Variants in NEK1 observed in about 807,000 individuals in gnomAD.
NEK1 encodes the protein NIMA related kinase 1.
A neutral mutation model predicts 182.1 loss-of-function variants in NEK1; 137 were observed. That is an observed-to-expected ratio of 0.75 (90% CI 0.65 to 0.87). The LOEUF is 0.87. Among genes scored for constraint, NEK1 ranks in the 40% least tolerant of loss-of-function variants. NEK1 has a pLI of 0.00. For synonymous variants in NEK1, 513 were observed against 492.2 expected (o/e 1.04, Z -0.56); for missense variants, 1,391 against 1,494.4 (o/e 0.93, Z 1.14).
chr4:169,593,628 T>C (rs1424912859), intron 5 of NEK1, among the ~76,000 whole-genome samples: 1 of 152,192 alleles, frequency 6.6e-6, no homozygotes, highest in East Asian at 1.9e-4. Flanking sequence ...CTACCCTAGT[T>C]CAGACTCTTG....
chr4:169,459,918 G>C (rs1170169205), intron 27 of NEK1, among the ~76,000 whole-genome samples: 1 of 152,080 alleles, frequency 6.6e-6, no homozygotes, highest in Non-Finnish European at 1.5e-5. Context: ...GGGATTCTTG[G>C]GGCAGCAAAT....
intron 4 of NEK1, among the ~76,000 whole-genome samples, chr4:169,600,958 TTGAAA>T (rs1172550370): frequency 6.6e-6 from 1 of 152,118 alleles, no homozygotes; most frequent in Non-Finnish European, 1.5e-5. Flanking sequence ...ACCTTTTAAC[TTGAAA>T]TATTAAAATT....
intron 12 of NEK1, among the ~76,000 whole-genome samples, chr4:169,566,388 T>A (rs1763680668): frequency 6.6e-6 from 1 of 152,170 alleles, no homozygotes; most frequent in East Asian, 1.9e-4. Flanking sequence ...ATTTCTATAG[T>A]GAAGAGAATA....
chr4:169,452,430 C>G (rs1461063701), intron 27 of NEK1, among the ~76,000 whole-genome samples: 1 of 152,192 alleles, frequency 6.6e-6, no homozygotes, highest in Non-Finnish European at 1.5e-5. Flanking sequence ...TACTGGCAAA[C>G]TGAATCCAGC....
intron 31 of NEK1, among the ~76,000 whole-genome samples, chr4:169,421,060 A>G (rs1439758806): frequency 2.0e-5 from 3 of 152,228 alleles, no homozygotes; most frequent in Non-Finnish European, 2.9e-5. Context: ...TGGAATGGCT[A>G]TAATAAAACC....
At chr4:169,494,577 T>C (rs1483207847) in intron 23 of NEK1, among the ~76,000 whole-genome samples, 1 of 152,232 alleles carries the variant, frequency 6.6e-6, no homozygotes, top group Non-Finnish European at 1.5e-5. Flanking sequence ...TGTGTCTTTA[T>C]AGCAGCATGT....
chr4:169,424,711 C>G lies in NEK1; in HGVS notation c.3064G>C (p.Glu1022Gln). The change falls in exon 31 of 36, where the codon GAA (glutamate) becomes CAA (glutamine). Residue 1022 changes from glutamate to glutamine, a missense_variant. Around this residue, in one of 5 missense-constraint regions of NEK1, gnomAD observed 1,216 missense variants for 1,277.6 expected, o/e 0.95. Coordinates refer to ENST00000507142, the MANE Select transcript of NEK1 (RefSeq NM_001199397.3). ...EPFFHKVVHS[E>Q]HLNLVPQVQS... ...ACTTGAGGGACTAAGTTCAAGTGTTCAGAATGAACCACCTTATGGAAAAAT... is the reference window on the plus strand; with the variant it reads ...ACTTGAGGGACTAAGTTCAAGTGTTGAGAATGAACCACCTTATGGAAAAAT... The G allele has an allele frequency of 6.2e-7, 1 of 1,613,766 alleles. No homozygotes were observed. Among genetic ancestry groups the G allele is most frequent in the Non-Finnish European group, 8.5e-7 (1 of 1,179,802 alleles).
intron 12 of NEK1, among the ~76,000 whole-genome samples, chr4:169,571,041 C>A (rs1003604755): frequency 2.6e-5 from 4 of 151,806 alleles, no homozygotes; most frequent in African/African-American, 9.7e-5. Flanking sequence ...ACAAACACTG[C>A]GGAAGGCTGC....
At chr4:169,577,180 GATAGT>G (rs1222497212) in intron 11 of NEK1, 101 bp from the exon 12 acceptor site, 1 of 1,122,364 alleles carries the variant, frequency 8.9e-7, no homozygotes, top group East Asian at 2.4e-5. Flanking sequence ...CATAATCATT[GATAGT>G]ATTTTAAACT....
At chr4:169,572,074 G>C (rs1364748281) in intron 12 of NEK1, among the ~76,000 whole-genome samples, 2 of 151,838 alleles carry the variant, frequency 1.3e-5, no homozygotes, top group African/African-American at 4.8e-5. Flanking sequence ...GGGATGAAAA[G>C]ACACTGAAAA....
intron 26 of NEK1, among the ~76,000 whole-genome samples, chr4:169,470,419 TTTTC>T (rs1745739344): frequency 6.6e-6 from 1 of 152,354 alleles, no homozygotes; most frequent in East Asian, 1.9e-4. Context: ...GTTGAAATTC[TTTTC>T]TTTAAGAATG....
chr4:169,461,641 T>C lies in NEK1; in HGVS notation c.2587+1602A>G, dbSNP rs1182473012. On this transcript the variant is annotated intron_variant, in intron 27 of 35. Transcript: ENST00000507142. ...GCTTAAAATCCCAATACAGAGCATA[T>C]TCTTCCCAGTAAATGTATTTGGGAG... Among the ~76,000 whole-genome samples, 3 of 152,176 alleles carry C rather than the reference T, an allele frequency of 2.0e-5. No homozygotes were observed. In the East Asian group the frequency reaches 5.8e-4, roughly 29 times the overall value.
intron 31 of NEK1, among the ~76,000 whole-genome samples, chr4:169,413,171 ATTT>A (rs5863996): frequency 6.9e-6 from 1 of 144,554 alleles, no homozygotes; most frequent in African/African-American, 2.5e-5. Context: ...AGTACAGCTA[ATTT>A]TTTTTTTTTT....
chr4:169,525,037 G>A (rs1756684737), intron 19 of NEK1, among the ~76,000 whole-genome samples: 1 of 152,138 alleles, frequency 6.6e-6, no homozygotes, highest in Non-Finnish European at 1.5e-5. Context: ...CTACTTATTA[G>A]TGTTCAATCT....
intron 24 of NEK1, among the ~76,000 whole-genome samples, chr4:169,477,776 C>A (rs937190592): frequency 6.6e-6 from 1 of 151,662 alleles, no homozygotes; most frequent in Non-Finnish European, 1.5e-5. Flanking sequence ...TCTTTGGTAC[C>A]TGATTTTTTG....
At chr4:169,578,237 T>A (rs1340784789) in intron 11 of NEK1, among the ~76,000 whole-genome samples, 1 of 152,196 alleles carries the variant, frequency 6.6e-6, no homozygotes, top group Non-Finnish European at 1.5e-5. Flanking sequence ...CTGGAGGATA[T>A]TAAAAGAAGT....
chr4:169,459,055 A>AG (rs397952072), intron 27 of NEK1, among the ~76,000 whole-genome samples: 2 of 152,150 alleles, frequency 1.3e-5, no homozygotes, highest in African/African-American at 2.4e-5. Context: ...GAAAAAAAAA[A>AG]CCCAATCCAA....
intron 4 of NEK1, among the ~76,000 whole-genome samples, chr4:169,599,963 G>A (rs1480784456): frequency 6.6e-6 from 1 of 151,638 alleles, no homozygotes; most frequent in South Asian, 2.1e-4. Context: ...TGGGCTCAAG[G>A]GAACCTCTCG....
chr4:169,473,323 G>A (rs1247650255), intron 26 of NEK1, among the ~76,000 whole-genome samples: 1 of 151,836 alleles, frequency 6.6e-6, no homozygotes, highest in South Asian at 2.1e-4. Context: ...GGACATGGAG[G>A]CAAATAATAG....
Sources: gnomAD v4.1 joint callset for allele counts (sites outside exome capture counted in the v4.1 genomes callset) on GRCh38, gnomAD v4.1.1 for gene constraint, gnomAD v4.1.1 regional missense constraint, MANE v1.5 for transcripts, NCBI Gene and HGNC (gene_info 2026-07-23, HGNC 2026-07-21) for gene names.